Variants in ZCWPW2 observed in about 807,000 individuals in gnomAD.
The protein encoded by ZCWPW2 is zinc finger CW-type PWWP domain protein 2.
In ZCWPW2, 45 loss-of-function variants were observed where a neutral mutation model predicts 46.6. The observed-to-expected ratio is 0.96, with a 90% confidence interval of 0.76 to 1.24. The LOEUF is 1.24. ZCWPW2 is among the 50% of genes most tolerant of loss of function. ZCWPW2 has a pLI of 0.00. For missense variants in ZCWPW2, 429 were observed against 403.9 expected (o/e 1.06, Z -0.53); for synonymous variants, 152 against 137.1 (o/e 1.11, Z -0.76).
At chr3:28,460,832 A>T (rs544230672) in intron 4 of ZCWPW2, 1 of 163,868 alleles carries the variant, frequency 6.1e-6, no homozygotes, top group Admixed American at 6.2e-5. Context: ...AGTCAGCTAC[A>T]CTGCAACTTT....
At chr3:28,461,846 G>A (rs1420165449) in intron 4 of ZCWPW2, 2 of 152,084 alleles carry the variant, frequency 1.3e-5, no homozygotes, top group Non-Finnish European at 2.9e-5. Flanking sequence ...AAAACAATAG[G>A]CAGAGTTAAG....
chr3:28,379,213 T>C (rs1705592265), intron 1 of ZCWPW2, among the ~76,000 whole-genome samples: 1 of 152,202 alleles, frequency 6.6e-6, no homozygotes, highest in African/African-American at 2.4e-5. Flanking sequence ...AGAGTAGTTT[T>C]AAATAAGCTT....
chr3:28,420,540 A>T (rs1423515289), intron 3 of ZCWPW2, among the ~76,000 whole-genome samples: 3 of 144,852 alleles, frequency 2.1e-5, no homozygotes, highest in Non-Finnish European at 4.6e-5. Flanking sequence ...TTTTTCTCTA[A>T]TCACTTTCTC....
intron 4 of ZCWPW2, 78 bp downstream of exon 4, chr3:28,435,347 A>G (rs1032144555): frequency 2.8e-6 from 4 of 1,422,140 alleles, no homozygotes; most frequent in Admixed American, 5.2e-5. Context: ...TGATCATAAA[A>G]TATGTATAAG....
intron 6 of ZCWPW2, among the ~76,000 whole-genome samples, chr3:28,497,564 T>C (rs960228854): frequency 2.6e-5 from 4 of 151,694 alleles, no homozygotes; most frequent in African/African-American, 9.7e-5. Context: ...CAAAGAAGAA[T>C]TGATGGATCA....
chr3:28,505,814 T>C (rs1700261049), intron 6 of ZCWPW2, among the ~76,000 whole-genome samples: 1 of 152,014 alleles, frequency 6.6e-6, no homozygotes. Context: ...CATATTTATG[T>C]CTTCCCTGAG....
At chr3:28,389,775 T>G (rs535059218) in intron 1 of ZCWPW2, among the ~76,000 whole-genome samples, 1 of 152,300 alleles carries the variant, frequency 6.6e-6, no homozygotes, top group East Asian at 1.9e-4. Flanking sequence ...CAAGTCCAGT[T>G]TCTGATGGGG....
intron 6 of ZCWPW2, among the ~76,000 whole-genome samples, chr3:28,497,305 A>G (rs145158443): frequency 1.9e-3 from 294 of 151,244 alleles, no homozygotes; most frequent in African/African-American, 6.6e-3. Context: ...TTACAATGAG[A>G]TCTTATTATA....
At chr3:28,424,785 G>A (rs1696939896) in intron 3 of ZCWPW2, among the ~76,000 whole-genome samples, 1 of 152,196 alleles carries the variant, frequency 6.6e-6, no homozygotes, top group South Asian at 2.1e-4. Flanking sequence ...AAGATCAAAT[G>A]TGATAATGTT....
chr3:28,367,132 G>A (rs988883912), intron 1 of ZCWPW2, among the ~76,000 whole-genome samples: 3 of 152,010 alleles, frequency 2.0e-5, no homozygotes, highest in African/African-American at 7.2e-5. Context: ...GGTTTTTTGT[G>A]TCTCTCTTTC....
chr3:28,482,061 G>A (rs544221612), intron 5 of ZCWPW2, among the ~76,000 whole-genome samples: 1 of 152,260 alleles, frequency 6.6e-6, no homozygotes, highest in South Asian at 2.1e-4. Context: ...CTGTGTGTCT[G>A]GAGAAATGTA....
intron 4 of ZCWPW2, among the ~76,000 whole-genome samples, chr3:28,465,335 C>T (rs2125791576): frequency 6.6e-6 from 1 of 152,234 alleles, no homozygotes; most frequent in Admixed American, 6.5e-5. Flanking sequence ...TAGTGAGATG[C>T]TGAGTCTTTG....
At chr3:28,514,404 A>C (rs1297704471) in intron 7 of ZCWPW2, among the ~76,000 whole-genome samples, 2 of 152,188 alleles carry the variant, frequency 1.3e-5, no homozygotes, top group Non-Finnish European at 2.9e-5. Context: ...TATAACCTTT[A>C]GATAAAGAAA....
intron 6 of ZCWPW2, among the ~76,000 whole-genome samples, chr3:28,500,298 C>A (rs1287498448): frequency 1.3e-5 from 2 of 152,044 alleles, no homozygotes; most frequent in Non-Finnish European, 2.9e-5. Context: ...GGAAAAATTT[C>A]ATGTTTATAA....
At chr3:28,380,451 C>T (rs1189602409) in intron 1 of ZCWPW2, among the ~76,000 whole-genome samples, 1 of 152,162 alleles carries the variant, frequency 6.6e-6, no homozygotes, top group Non-Finnish European at 1.5e-5. Context: ...CAAAGAATCA[C>T]CTGAATTTGT....
intron 3 of ZCWPW2, among the ~76,000 whole-genome samples, chr3:28,422,897 C>A (rs760040004): frequency 3.3e-5 from 5 of 152,198 alleles, no homozygotes; most frequent in Middle Eastern, 3.4e-3. Flanking sequence ...ATTTTGAATT[C>A]TAATAGGTGT....
chr3:28,385,388 C>CT (rs1695233818), intron 1 of ZCWPW2, among the ~76,000 whole-genome samples: 4 of 152,124 alleles, frequency 2.6e-5, no homozygotes, highest in African/African-American at 9.7e-5. Context: ...TAGAGAAATA[C>CT]CACCTCATCC....
rs1018524289 is a variant in ZCWPW2 at position 28,463,437 on chromosome 3, TA to T, written c.493-15374del. Among the ~76,000 whole-genome samples the T allele has an allele frequency of 1.1e-3, 172 of 152,290 alleles. 1 individual carries two copies. The highest frequency in any genetic ancestry group is 4.1e-3 in the African/African-American group (170 of 41,576). ...GAGCTGCCTTGAAAATGTTTAAATT[TA>T]AATTTTAAATTAAAAAAATTAAAAT... On this transcript the variant is annotated intron_variant, in intron 4 of 9. Transcript: ENST00000383768.
At chr3:28,493,095 C>CTTTTTTTTTTTTTTTTTTGTTTTTTTT (rs11426111) in intron 6 of ZCWPW2, among the ~76,000 whole-genome samples, 1 of 77,070 alleles carries the variant, frequency 1.3e-5, no homozygotes, top group African/African-American at 5.0e-5. Flanking sequence ...CTTGGCTTTT[C>CTTTTTTTTTTTTTTTTTTGTTTTTTTT]TTTTTTTTTT....
Sources: gnomAD v4.1 joint callset for allele counts (sites outside exome capture counted in the v4.1 genomes callset) on GRCh38, gnomAD v4.1.1 for gene constraint, MANE v1.5 for transcripts, NCBI Gene and HGNC (gene_info 2026-07-23, HGNC 2026-07-21) for gene names.